The following CDH20 variants were observed in gnomAD, a reference collection of about 807,000 sequenced individuals.
CDH20 encodes cadherin 20, also known as cadherin-20.
CDH20 carries 29 observed loss-of-function variants against 74.2 expected under a neutral mutation model. The observed-to-expected ratio is 0.39, with a 90% CI of 0.29 to 0.53. The LOEUF (loss-of-function observed/expected upper bound fraction) is 0.53. CDH20 is among the 20% of genes least tolerant of loss of function. CDH20 has a pLI of 0.69. For synonymous variants in CDH20, 469 were observed against 405.4 expected, an observed-to-expected ratio of 1.16 and a Z score of -1.88; for missense variants, 988 against 1,048.3, an observed-to-expected ratio of 0.94 and a Z score of 0.79.
intron 7 of CDH20, among the ~76,000 whole-genome samples, 165 bp downstream of exon 7, chr18:61,528,385 A>T (rs1393806147): frequency 6.9e-6 from 1 of 144,750 alleles, no homozygotes; most frequent in Non-Finnish European, 1.5e-5. Flanking sequence ...CTTAAATAAC[A>T]TGGCCTTGCC....
chr18:61,479,843 C>A (rs1910526786), intron 1 of CDH20, among the ~76,000 whole-genome samples: 1 of 152,160 alleles, frequency 6.6e-6, no homozygotes, highest in Non-Finnish European at 1.5e-5. Flanking sequence ...CCCTGCCAGT[C>A]TCCTTTGTTG....
intron 4 of CDH20, 53 bp from the exon 5 acceptor site, chr18:61,502,900 A>G: frequency 6.8e-7 from 1 of 1,480,202 alleles, no homozygotes; most frequent in Admixed American, 2.0e-5. Flanking sequence ...CCAATCTTTA[A>G]AAACTGGACC....
intron 1 of CDH20, among the ~76,000 whole-genome samples, chr18:61,344,152 ACT>A (rs1321279890): frequency 6.6e-6 from 1 of 152,202 alleles, no homozygotes; most frequent in East Asian, 1.9e-4. Flanking sequence ...CCGCAAAGTC[ACT>A]CAGAGGGGTA....
intron 11 of CDH20, among the ~76,000 whole-genome samples, chr18:61,553,086 TA>T (rs765972278): frequency 6.6e-6 from 1 of 152,206 alleles, no homozygotes; most frequent in Non-Finnish European, 1.5e-5. Flanking sequence ...TTGCAATTGA[TA>T]AAAAAGCACA....
chr18:61,381,967 A>ACC (rs200896787), intron 1 of CDH20, among the ~76,000 whole-genome samples: 101 of 150,542 alleles, frequency 6.7e-4, no homozygotes, highest in African/African-American at 2.2e-3. Context: ...TGTCACTACT[A>ACC]CCCCCCCCAG....
chr18:61,495,490 G>C (rs534883816), intron 2 of CDH20, among the ~76,000 whole-genome samples: 4 of 152,126 alleles, frequency 2.6e-5, no homozygotes, highest in Non-Finnish European at 5.9e-5. Flanking sequence ...TCTGCCTGCC[G>C]GTAGAAGGTA....
intron 1 of CDH20, among the ~76,000 whole-genome samples, chr18:61,397,680 C>T (rs1912029796): frequency 6.6e-6 from 1 of 152,154 alleles, no homozygotes; most frequent in African/African-American, 2.4e-5. Context: ...TGGTTAAGAA[C>T]ACTAACTTTG....
chr18:61,339,103 T>C (rs6567207), intron 1 of CDH20, among the ~76,000 whole-genome samples: 146,862 of 152,166 alleles, frequency 0.97, 71,088 homozygotes, highest in Middle Eastern at 1. Flanking sequence ...TAATTATTGG[T>C]GATATTCTGG....
chr18:61,342,685 C>G (rs561093261), intron 1 of CDH20, among the ~76,000 whole-genome samples: 18 of 152,296 alleles, frequency 1.2e-4, no homozygotes, highest in Admixed American at 1.0e-3. Context: ...AGCAAAAGTA[C>G]CCCTAGTTGA....
intron 1 of CDH20, among the ~76,000 whole-genome samples, chr18:61,416,749 C>T (rs1007726371): frequency 6.6e-6 from 1 of 152,212 alleles, no homozygotes; most frequent in Non-Finnish European, 1.5e-5. Context: ...CTAGGCCTTA[C>T]AGCCTTTTAG....
At chr18:61,390,767 G>A (rs924380118) in intron 1 of CDH20, among the ~76,000 whole-genome samples, 3 of 151,276 alleles carry the variant, frequency 2.0e-5, no homozygotes, top group Non-Finnish European at 4.4e-5. Context: ...GGTTAGGGAA[G>A]GAAATAGTGG....
chr18:61,363,330 T>C (rs1335301582), intron 1 of CDH20, among the ~76,000 whole-genome samples: 1 of 152,148 alleles, frequency 6.6e-6, no homozygotes, highest in Non-Finnish European at 1.5e-5. Flanking sequence ...AGCTGTGTAC[T>C]TTTTATGGTA....
chr18:61,470,034 G>A (rs898547050), intron 1 of CDH20, among the ~76,000 whole-genome samples: 3 of 152,172 alleles, frequency 2.0e-5, no homozygotes, highest in Admixed American at 6.5e-5. Flanking sequence ...TTTGAGAGTT[G>A]CCTCTGCTGG....
chr18:61,552,854 C>G (rs948067556), intron 11 of CDH20, among the ~76,000 whole-genome samples: 1 of 152,206 alleles, frequency 6.6e-6, no homozygotes, highest in Admixed American at 6.5e-5. Flanking sequence ...ACGTCTCCAA[C>G]CTGCATCAAT....
chr18:61,398,557 C>CA lies in CDH20; in HGVS notation c.-153+64736dup, dbSNP rs764388648. 7.9e-5 allele frequency among the ~76,000 whole-genome samples: 12 copies of CA among 151,978 alleles called. No homozygotes were observed. In the East Asian group the frequency reaches 1.7e-3, roughly 22 times the overall value. ...TATTTTCAATGTGTAAAAACAACAA[C>CA]AAAAAAGGAAAATGTAAGATATTTA... On this transcript the variant is annotated intron_variant, in intron 1 of 11. Coordinates refer to ENST00000262717, the MANE Select transcript of CDH20 (RefSeq NM_031891.4).
At chr18:61,548,586 C>T (rs1913329814) in intron 10 of CDH20, among the ~76,000 whole-genome samples, 1 of 152,126 alleles carries the variant, frequency 6.6e-6, no homozygotes, top group Non-Finnish European at 1.5e-5. Flanking sequence ...TCAGAATAGC[C>T]CAGATTATGC....
chr18:61,425,040 C>CCT (rs10535853), intron 1 of CDH20, among the ~76,000 whole-genome samples: 4,898 of 134,560 alleles, frequency 0.036, 119 homozygotes, highest in Non-Finnish European at 0.05. Context: ...CTTCCCCGCT[C>CCT]CTCTCTCTCT....
chr18:61,431,137 T>G (rs756708338), intron 1 of CDH20, among the ~76,000 whole-genome samples: 2 of 152,204 alleles, frequency 1.3e-5, no homozygotes, highest in Non-Finnish European at 2.9e-5. Flanking sequence ...ACATAGTTCT[T>G]TCTAGCATCC....
intron 7 of CDH20, among the ~76,000 whole-genome samples, chr18:61,534,398 G>A (rs1045833132): frequency 6.6e-6 from 1 of 152,198 alleles, no homozygotes; most frequent in Non-Finnish European, 1.5e-5. Flanking sequence ...CAAAGGAACT[G>A]GAATTAATAT....
Sources: gnomAD v4.1 joint callset for allele counts (sites outside exome capture counted in the v4.1 genomes callset) on GRCh38, gnomAD v4.1.1 for gene constraint, MANE v1.5 for transcripts, NCBI Gene and HGNC (gene_info 2026-07-23, HGNC 2026-07-21) for gene names.